ENPP1: variants seen among roughly 807,000 people sequenced by gnomAD.
ENPP1 encodes the protein ectonucleotide pyrophosphatase/phosphodiesterase 1.
Under a neutral mutation model 122.8 loss-of-function variants are expected in ENPP1, and 73 were observed. That is an observed-to-expected ratio of 0.59 (90% CI 0.49 to 0.72). The LOEUF is 0.72. Among genes scored for constraint, ENPP1 ranks in the 30% least tolerant of loss-of-function variants. The pLI is 0.00. For missense variants in ENPP1, 978 were observed against 1,128.1 expected (o/e 0.87, Z 1.91); for synonymous variants, 367 against 391.6 (o/e 0.94, Z 0.74).
At chr6:131,887,106 CTT>C (rs1175943175) in intron 24 of ENPP1, among the ~76,000 whole-genome samples, 1 of 151,718 alleles carries the variant, frequency 6.6e-6, no homozygotes, top group East Asian at 1.9e-4. Context: ...CAGAATCAAA[CTT>C]TGTATGGCTT....
intron 1 of ENPP1, among the ~76,000 whole-genome samples, chr6:131,820,906 G>T (rs752511969): frequency 1.3e-5 from 2 of 152,326 alleles, no homozygotes; most frequent in South Asian, 4.1e-4. Flanking sequence ...CACAACTGTA[G>T]CATAGAGACA....
chr6:131,829,823 G>A (rs1781588230), intron 1 of ENPP1, among the ~76,000 whole-genome samples: 1 of 152,180 alleles, frequency 6.6e-6, no homozygotes, highest in Non-Finnish European at 1.5e-5. Flanking sequence ...ACCCTGGGCA[G>A]ATGCAGCCAC....
Position 131,808,148 on chromosome 6 carries a change from AGGCGCC to A in ENPP1, c.114_119del (p.Glu38_Pro40delinsAsp). The stretch of plus-strand genomic sequence containing the variant: ...GATCGGGGCCGCAGCCACGCTGCCG[AGGCGCC>A]CGGGGACCCGCAGGCGGCCGCGTCC... On this transcript the variant is annotated inframe_deletion, in exon 1 of 25. Coordinates refer to ENST00000647893, the MANE Select transcript of ENPP1 (RefSeq NM_006208.3). 1 of 1,440,052 alleles carries A rather than the reference AGGCGCC, an allele frequency of 6.9e-7. No individual in the cohort carries two copies. The highest frequency in any genetic ancestry group is 3.0e-5 in the East Asian group (1 of 32,994). The allele number at this position is 1,440,052 out of a possible 1,614,324, so 89.2% of individuals were successfully genotyped here.
At chr6:131,871,437 C>T (rs1455039370) in intron 13 of ENPP1, among the ~76,000 whole-genome samples, 1 of 152,098 alleles carries the variant, frequency 6.6e-6, no homozygotes, top group South Asian at 2.1e-4. Flanking sequence ...TTTGAAAATT[C>T]TAGAACTATC....
At chr6:131,812,014 A>G (rs1781360722) in intron 1 of ENPP1, among the ~76,000 whole-genome samples, 1 of 152,144 alleles carries the variant, frequency 6.6e-6, no homozygotes, top group Admixed American at 6.5e-5. Flanking sequence ...GGTAGGCAAC[A>G]ATTCAGGGAT....
intron 1 of ENPP1, among the ~76,000 whole-genome samples, chr6:131,839,282 A>G (rs1414091351): frequency 1.4e-5 from 2 of 146,922 alleles, no homozygotes; most frequent in South Asian, 2.2e-4. Context: ...TTTTATTTCT[A>G]TTTTTTTTTT....
At chr6:131,874,451 A>G (rs1585834925) in intron 16 of ENPP1, 114 bp downstream of exon 16, 3 of 677,304 alleles carry the variant, frequency 4.4e-6, no homozygotes, top group South Asian at 3.6e-5. Flanking sequence ...TTAATGGAAC[A>G]TACTTTCATA....
In ENPP1 at chr6:131,880,165, G is replaced by T. The variant is rs1260810492; in HGVS notation, c.2100+131G>T. 3 of 974,322 alleles carry T rather than the reference G, an allele frequency of 3.1e-6. No individual in the cohort carries two copies. In the African/African-American group the frequency reaches 4.8e-5, roughly 16 times the overall value. The allele number at this position is 974,322 out of a possible 1,614,324, so 60.4% of individuals were successfully genotyped here. On this transcript the variant is annotated intron_variant, in intron 20 of 24. Transcript: ENST00000647893. Reference sequence around the variant, plus strand: ...CCGCATTAGAGGAACACTGAAGAGGGAGTCAGAAAAATTCAGTTCCAGTTC... The same window carrying T: ...CCGCATTAGAGGAACACTGAAGAGGTAGTCAGAAAAATTCAGTTCCAGTTC...
chr6:131,866,911 C>A (rs965846163), intron 11 of ENPP1, among the ~76,000 whole-genome samples: 3 of 152,214 alleles, frequency 2.0e-5, no homozygotes, highest in Non-Finnish European at 4.4e-5. Context: ...AGACTTGTGT[C>A]TGGGTCAATT....
At position 131,851,220 on chromosome 6, in the gene ENPP1, G is replaced by A; in HGVS notation, c.509G>A (p.Cys170Tyr). 1 of 1,614,130 alleles carries A rather than the reference G, an allele frequency of 6.2e-7. No individual in the cohort carries two copies. The highest frequency in any genetic ancestry group is 2.2e-5 in the East Asian group (1 of 44,876). ...TRSLCACSDD[C>Y]KDKGDCCINY... ...AGCCTCTGTGCCTGTTCAGATGACT[G>A]CAAGGACAAGGGCGACTGCTGCATC... is the stretch of plus-strand genomic sequence containing the variant. Residue 170 changes from cysteine (C) to tyrosine (Y), a missense_variant, in exon 4 of 25, where the codon TGC becomes TAC. Physicochemically the swap from Cys to Tyr is radical, Grantham distance 194 (BLOSUM62 -2). This residue lies in a region of ENPP1 where 330 missense variants were observed against 328.5 expected (regional missense o/e 1.00). Coordinates refer to ENST00000647893, the MANE Select transcript of ENPP1 (RefSeq NM_006208.3).
intron 18 of ENPP1, chr6:131,877,398 A>G (rs1782244251): frequency 1.9e-6 from 1 of 539,916 alleles, no homozygotes; most frequent in South Asian, 2.0e-5. Context: ...ACTTGGGTGC[A>G]GGTGTGGTGA....
chr6:131,857,949 G>A (rs1032857432), intron 6 of ENPP1, among the ~76,000 whole-genome samples: 16 of 152,160 alleles, frequency 1.1e-4, no homozygotes, highest in Non-Finnish European at 2.1e-4. Context: ...ATGAGCCCAA[G>A]CCCTAGCTTT....
chr6:131,829,500 G>A (rs1191095584), intron 1 of ENPP1, among the ~76,000 whole-genome samples: 1 of 152,170 alleles, frequency 6.6e-6, no homozygotes, highest in Non-Finnish European at 1.5e-5. Flanking sequence ...TTTAGATTGT[G>A]CCTTGGGATG....
chr6:131,822,869 C>T (rs978218717), intron 1 of ENPP1, among the ~76,000 whole-genome samples: 9 of 152,256 alleles, frequency 5.9e-5, no homozygotes, highest in Admixed American at 2.6e-4. Context: ...TTGCTTATGT[C>T]TCTTTTTCAT....
chr6:131,813,538 A>AT (rs1781380148), intron 1 of ENPP1, among the ~76,000 whole-genome samples: 1 of 152,002 alleles, frequency 6.6e-6, no homozygotes, highest in South Asian at 2.1e-4. Context: ...TCAAAAAAAA[A>AT]AAAGGGATGT....
rs1360661368 is a variant in ENPP1 at position 131,876,917 on chromosome 6, A to G, written c.1724-75A>G. On this transcript the variant is annotated intron_variant, in intron 17 of 24. Coordinates refer to ENST00000647893, the MANE Select transcript of ENPP1 (RefSeq NM_006208.3). ...CTCATGTATTTGGTTTTAAAAAAGT[A>G]AAGATCATGGCACAAGTCTACTATT... 4.2e-6 allele frequency: 6 copies of G among 1,426,704 alleles called. No homozygotes were observed. The East Asian group carries it at 1.4e-4, about 32-fold the overall frequency. The allele number at this position is 1,426,704 out of a possible 1,614,324, so 88.4% of individuals were successfully genotyped here.
At chr6:131,854,482 T>G (rs1022302085) in intron 5 of ENPP1, among the ~76,000 whole-genome samples, 24 of 152,110 alleles carry the variant, frequency 1.6e-4, no homozygotes, top group African/African-American at 5.8e-4. Flanking sequence ...GAAGTACTAT[T>G]TACTGTATTA....
In ENPP1 at chr6:131,875,220, A is replaced by C. The variant is rs558042983; in HGVS notation, c.1636-556A>C. On this transcript the variant is annotated intron_variant, in intron 16 of 24. Transcript: ENST00000647893. Reference sequence around the variant, plus strand: ...TACCCCTAAATTCATAAAGTTAAAAAATTAATAAAATTTTATATTCATGTT... The same window carrying C: ...TACCCCTAAATTCATAAAGTTAAAACATTAATAAAATTTTATATTCATGTT... 3.2e-4 allele frequency among the ~76,000 whole-genome samples: 48 copies of C among 152,314 alleles called. 1 individual carries two copies. The highest frequency in any genetic ancestry group is 1.2e-3 in the Admixed American group (18 of 15,282).
At chr6:131,861,829 AG>A in intron 9 of ENPP1, 125 bp downstream of exon 9, 1 of 676,294 alleles carries the variant, frequency 1.5e-6, no homozygotes, top group Admixed American at 2.2e-5. Context: ...TGAGAACTGA[AG>A]AACTCTTTCT....
Sources: gnomAD v4.1 joint callset for allele counts (sites outside exome capture counted in the v4.1 genomes callset) on GRCh38, gnomAD v4.1.1 for gene constraint, gnomAD v4.1.1 regional missense constraint, MANE v1.5 for transcripts, NCBI Gene and HGNC (gene_info 2026-07-23, HGNC 2026-07-21) for gene names.